NAV2: variants seen among roughly 807,000 people sequenced by gnomAD.
The protein encoded by NAV2 is neuron navigator 2.
Under a neutral mutation model 223.2 loss-of-function variants are expected in NAV2, and 54 were observed. That is an observed-to-expected ratio of 0.24 (90% CI 0.19 to 0.30). NAV2 has a LOEUF of 0.30. NAV2 is among the 10% of genes least tolerant of loss of function. The pLI is 1.00. For synonymous variants in NAV2, 1,279 were observed against 1,239.3 expected, an observed-to-expected ratio of 1.03 and a Z score of -0.67; for missense variants, 2,806 against 3,147.5, an observed-to-expected ratio of 0.89 and a Z score of 2.60.
At chr11:19,392,669 T>C (rs1006379080) in intron 1 of NAV2, among the ~76,000 whole-genome samples, 1 of 152,016 alleles carries the variant, frequency 6.6e-6, no homozygotes, top group African/African-American at 2.4e-5. Flanking sequence ...TCATTGGGAG[T>C]GAGTCTGGAA....
rs150361294 is a variant in NAV2 at position 19,450,171 on chromosome 11, G to A, written c.75+99144G>A. ...AGTGGAGCTGCAGGGGTGAGCAGCC[G>A]CATGGTACACATGGATTTTTAAAAC... On this transcript the variant is annotated intron_variant, in intron 1 of 37. Transcript: ENST00000360655. 8.5e-3 allele frequency among the ~76,000 whole-genome samples: 1,296 copies of A among 152,258 alleles called. 19 individuals carry two copies. Among genetic ancestry groups the A allele is most frequent in the African/African-American group, 0.029 (1,215 of 41,528 alleles).
At position 20,093,215 on chromosome 11, in the gene NAV2, T is replaced by C; in HGVS notation, c.5916+16T>C. Reference sequence around the variant, plus strand: ...GTGGAAGGAGGTTAGTTGGATCCCTTTCCCTGCTTTGCCTGTCCCTCCCCC... The same window carrying C: ...GTGGAAGGAGGTTAGTTGGATCCCTCTCCCTGCTTTGCCTGTCCCTCCCCC... On this transcript the variant is annotated intron_variant, in intron 29 of 37. Transcript: ENST00000349880. 1 of 1,506,848 alleles carries C rather than the reference T, an allele frequency of 6.6e-7. No homozygotes were observed. The highest frequency in any genetic ancestry group is 9.2e-7 in the Non-Finnish European group (1 of 1,082,636). The allele number at this position is 1,506,848 out of a possible 1,614,324, so 93.3% of individuals were successfully genotyped here.
intron 1 of NAV2, among the ~76,000 whole-genome samples, chr11:19,685,037 T>C (rs1464844361): frequency 6.6e-6 from 1 of 152,134 alleles, no homozygotes; most frequent in Non-Finnish European, 1.5e-5. Flanking sequence ...CTGTAGTTAA[T>C]ATGGGTTTGG....
rs527901289 is a variant in NAV2, at chr11:20,048,372, C to G, written c.3903-356C>G. Reference sequence around the variant, plus strand: ...AGAGATGATGAAGACAACCATCTTCCTGGGCCAGGGCAGTTTTCTAGTTAG... The same window carrying G: ...AGAGATGATGAAGACAACCATCTTCGTGGGCCAGGGCAGTTTTCTAGTTAG... On this transcript the variant is annotated intron_variant, in intron 14 of 37. Coordinates refer to ENST00000349880, the MANE Select transcript of NAV2 (RefSeq NM_145117.5). Among the ~76,000 whole-genome samples, 4 of 152,304 alleles carry G rather than the reference C, an allele frequency of 2.6e-5. No individual in the cohort carries two copies. The South Asian group carries it at 8.3e-4, about 32-fold the overall frequency.
chr11:19,474,534 G>C (rs745885730), intron 1 of NAV2, among the ~76,000 whole-genome samples: 1 of 152,232 alleles, frequency 6.6e-6, no homozygotes, highest in African/African-American at 2.4e-5. Flanking sequence ...GCTGATGCTA[G>C]CAGCTGCCTT....
chr11:19,652,304 C>T (rs768349355), intron 1 of NAV2, among the ~76,000 whole-genome samples: 1 of 152,156 alleles, frequency 6.6e-6, no homozygotes, highest in Non-Finnish European at 1.5e-5. Flanking sequence ...GCCAGCAGAG[C>T]TGACATGCAG....
chr11:19,896,364 ACT>A (rs948912628), intron 6 of NAV2, among the ~76,000 whole-genome samples: 5 of 151,700 alleles, frequency 3.3e-5, no homozygotes, highest in Non-Finnish European at 1.5e-5. Context: ...CCACTATTCT[ACT>A]CTCTGTTTTT....
chr11:19,356,815 T>G (rs1008647509), intron 1 of NAV2, among the ~76,000 whole-genome samples: 1 of 152,198 alleles, frequency 6.6e-6, no homozygotes, highest in African/African-American at 2.4e-5. Context: ...CAGAAATGAA[T>G]GCTGATATTT....
chr11:19,893,065 T>A lies in NAV2; in HGVS notation c.931+471T>A, dbSNP rs1421976782. Reference sequence around the variant, plus strand: ...GGAATGTGGATTGGCTCATTGAAGATCTTGGCTACATATAAGGAGTGGACA... The same window carrying A: ...GGAATGTGGATTGGCTCATTGAAGAACTTGGCTACATATAAGGAGTGGACA... On this transcript the variant is annotated intron_variant, in intron 6 of 37. Coordinates refer to ENST00000349880, the MANE Select transcript of NAV2 (RefSeq NM_145117.5). Among the ~76,000 whole-genome samples, 6 of 152,182 alleles carry A rather than the reference T, an allele frequency of 3.9e-5. No individual in the cohort carries two copies. In the East Asian group the frequency reaches 9.7e-4, roughly 25 times the overall value.
At chr11:19,790,088 G>A (rs1218139173) in intron 1 of NAV2, among the ~76,000 whole-genome samples, 1 of 152,178 alleles carries the variant, frequency 6.6e-6, no homozygotes, top group Non-Finnish European at 1.5e-5. Flanking sequence ...GGATTTCCCA[G>A]CCTCGGATGC....
intron 29 of NAV2, among the ~76,000 whole-genome samples, chr11:20,093,984 T>C (rs1475681096): frequency 1.3e-5 from 2 of 152,182 alleles, no homozygotes; most frequent in African/African-American, 4.8e-5. Context: ...CAACATGCTA[T>C]TGTAGTTTCA....
chr11:19,747,526 A>G (rs1423849178), intron 1 of NAV2, among the ~76,000 whole-genome samples: 5 of 152,214 alleles, frequency 3.3e-5, no homozygotes, highest in African/African-American at 1.2e-4. Context: ...CACACAGGAC[A>G]GTAGTCAGAA....
intron 1 of NAV2, among the ~76,000 whole-genome samples, chr11:19,731,984 G>GAT (rs1259761052): frequency 1.3e-5 from 2 of 152,156 alleles, no homozygotes; most frequent in African/African-American, 2.4e-5. Flanking sequence ...GTTTGCAAAG[G>GAT]ATAATGATTA....
chr11:19,449,396 C>CAA (rs1227657149), intron 1 of NAV2, among the ~76,000 whole-genome samples: 67 of 122,064 alleles, frequency 5.5e-4, no homozygotes, highest in African/African-American at 8.8e-4. Flanking sequence ...GACTCCATCT[C>CAA]AAAAAAAAAA....
intron 1 of NAV2, among the ~76,000 whole-genome samples, chr11:19,801,194 A>T (rs1281770076): frequency 1.3e-5 from 2 of 152,186 alleles, no homozygotes; most frequent in African/African-American, 2.4e-5. Context: ...ACTGTCTGTG[A>T]CTTAGTCCAA....
At chr11:19,802,604 C>T (rs1165651733) in intron 1 of NAV2, among the ~76,000 whole-genome samples, 3 of 151,390 alleles carry the variant, frequency 2.0e-5, no homozygotes, top group African/African-American at 2.4e-5. Context: ...AAGAATAGTA[C>T]ATCACCAAGG....
intron 1 of NAV2, among the ~76,000 whole-genome samples, chr11:19,634,741 A>G (rs1284094372): frequency 1.3e-5 from 2 of 152,228 alleles, no homozygotes; most frequent in Non-Finnish European, 2.9e-5. Context: ...GGTTAGGTAC[A>G]TTGGTAGAAG....
chr11:19,717,870 C>T (rs1380319214), intron 1 of NAV2, among the ~76,000 whole-genome samples: 1 of 152,314 alleles, frequency 6.6e-6, no homozygotes, highest in Non-Finnish European at 1.5e-5. Context: ...TATTATGCAG[C>T]AACTTTCTTC....
chr11:19,368,447 A>G (rs1848363308), intron 1 of NAV2, among the ~76,000 whole-genome samples: 2 of 152,226 alleles, frequency 1.3e-5, no homozygotes, highest in South Asian at 2.1e-4. Context: ...GCAGGACTGT[A>G]TAAGAAGAAA....
Sources: allele counts gnomAD v4.1 joint callset (sites outside exome capture counted in the v4.1 genomes callset), GRCh38; gene constraint gnomAD v4.1.1; transcripts MANE v1.5; gene names NCBI Gene and HGNC (gene_info 2026-07-23, HGNC 2026-07-21).